Variants in LAMA2 observed in about 807,000 individuals in gnomAD.
The protein encoded by LAMA2 is laminin subunit alpha 2, also known as laminin subunit alpha-2.
In LAMA2, 269 loss-of-function variants were observed where a neutral mutation model predicts 364.8. That is an observed-to-expected ratio of 0.74 (90% confidence interval 0.67 to 0.82). The LOEUF is 0.82. Ranked by LOEUF, LAMA2 falls within the 40% of genes least tolerant of loss-of-function variation. The pLI, the probability that LAMA2 is intolerant of heterozygous loss-of-function variation, is 0.00. For missense variants in LAMA2, 3,807 were observed against 3,873.2 expected (o/e 0.98, Z 0.45); for synonymous variants, 1,379 against 1,370.6 (o/e 1.01, Z -0.14).
chr6:129,312,265 AC>A (rs1226568718), intron 22 of LAMA2, among the ~76,000 whole-genome samples: 2 of 152,204 alleles, frequency 1.3e-5, no homozygotes, highest in Non-Finnish European at 2.9e-5. Context: ...ACTAACAGAG[AC>A]CTCAAATCAG....
chr6:128,997,846 C>T (rs574535397), intron 1 of LAMA2, among the ~76,000 whole-genome samples: 3 of 152,122 alleles, frequency 2.0e-5, no homozygotes, highest in Admixed American at 6.5e-5. Flanking sequence ...TCAGATTTTC[C>T]AGTGTGTGTT....
Position 129,280,110 on chromosome 6 carries a change from G to T in LAMA2, c.2500G>T (p.Gly834Ter), listed in dbSNP as rs2114391000. The T allele has an allele frequency of 7.4e-6, 12 of 1,613,290 alleles. No homozygotes were observed. Among genetic ancestry groups the T allele is most frequent in the Non-Finnish European group, 1.0e-5 (12 of 1,179,402 alleles). ...LDRSLGLICDGCPVGYTGPRC... is the reference protein window; with the variant it reads ...LDRSLGLICD ...CCGGAGTCTTGGATTGATCTGTGAT[G>T]GATGCCCTGTCGGGTACACAGGACC... Residue 834 changes from glycine to a stop codon, truncating the protein, a stop_gained, in exon 18 of 65, where the codon GGA becomes TGA. Coordinates refer to ENST00000421865, the MANE Select transcript of LAMA2 (RefSeq NM_000426.4). LOFTEE classifies it high-confidence loss of function.
chr6:129,147,431 A>G (rs992378251), intron 6 of LAMA2, among the ~76,000 whole-genome samples: 1 of 151,640 alleles, frequency 6.6e-6, no homozygotes, highest in Non-Finnish European at 1.5e-5. Flanking sequence ...GAGTAAAAAA[A>G]TGTGCAGGGA....
chr6:129,110,532 T>A (rs1358435978), intron 4 of LAMA2, among the ~76,000 whole-genome samples: 1 of 152,096 alleles, frequency 6.6e-6, no homozygotes, highest in African/African-American at 2.4e-5. Context: ...ATCAATAATA[T>A]TGGCAATAAC....
chr6:128,943,269 C>CAGAGAGAGAGAGAG (rs6149801), intron 1 of LAMA2, among the ~76,000 whole-genome samples: 10 of 143,076 alleles, frequency 7.0e-5, no homozygotes, highest in African/African-American at 2.6e-4. Flanking sequence ...TATATATACA[C>CAGAGAGAGAGAGAG]AGAGAGAGAG....
intron 30 of LAMA2, among the ~76,000 whole-genome samples, chr6:129,344,510 A>T (rs1776439403): frequency 6.6e-6 from 1 of 152,244 alleles, no homozygotes; most frequent in African/African-American, 2.4e-5. Flanking sequence ...TTGATAGAAC[A>T]TATCTGTCTG....
chr6:129,425,472 G>A (rs1203422104), intron 40 of LAMA2, among the ~76,000 whole-genome samples: 1 of 151,562 alleles, frequency 6.6e-6, no homozygotes, highest in Non-Finnish European at 1.5e-5. Context: ...TACATGTGCA[G>A]GTTTTTTATA....
chr6:129,157,332 G>T (rs1779170811), intron 8 of LAMA2, among the ~76,000 whole-genome samples: 1 of 152,198 alleles, frequency 6.6e-6, no homozygotes, highest in Non-Finnish European at 1.5e-5. Context: ...TATAAAGAAT[G>T]AAGTGTTTAG....
In LAMA2 at chr6:129,342,378, A is replaced by G; in HGVS notation, c.4347A>G (p.Glu1449=). 1 of 1,613,456 alleles carries G rather than the reference A, an allele frequency of 6.2e-7. No homozygotes were observed. The highest frequency in any genetic ancestry group is 2.2e-5 in the East Asian group (1 of 44,848). ...ATCACACTGCTGGTGACTTCTGTGA[A>G]CGATGTGCTCTTGGATACTATGGAA... ...CQHHTAGDFC[E]RCALGYYGIV... The change falls in exon 30 of 65, where the codon GAA becomes GAG. Residue 1449 remains glutamate (E), a synonymous_variant. Transcript: ENST00000421865.
In LAMA2 at chr6:129,221,293, T is replaced by C. The variant is rs75509200; in HGVS notation, c.1782+28440T>C. ...AGAAAAGCATAATTGATTATACTGG[T>C]TTCTTTTTTTTTTTTTTTCATTTGG... On this transcript the variant is annotated intron_variant, in intron 12 of 64. Coordinates refer to ENST00000421865, the MANE Select transcript of LAMA2 (RefSeq NM_000426.4). Among the ~76,000 whole-genome samples, 910 of 144,522 alleles carry C rather than the reference T, an allele frequency of 6.3e-3. 6 individuals carry two copies. Among genetic ancestry groups the C allele is most frequent in the African/African-American group, 0.024 (866 of 35,790 alleles). The allele number at this position is 144,522 out of a possible 152,430, so 94.8% of individuals were successfully genotyped here. A position where few individuals can be genotyped will look rare whatever the true frequency, so the allele number is the denominator to read the frequency against.
intron 40 of LAMA2, among the ~76,000 whole-genome samples, chr6:129,416,969 C>T (rs932305776): frequency 3.3e-5 from 5 of 152,130 alleles, no homozygotes; most frequent in African/African-American, 1.2e-4. Flanking sequence ...AATGCGGTGG[C>T]ACCCAGGAGC....
intron 40 of LAMA2, among the ~76,000 whole-genome samples, chr6:129,406,323 A>G (rs897387810): frequency 6.6e-6 from 1 of 152,222 alleles, no homozygotes; most frequent in Non-Finnish European, 1.5e-5. Flanking sequence ...ATTATTTTGT[A>G]AAGAGTAATA....
chr6:129,491,903 T>A lies in LAMA2; in HGVS notation c.7901T>A (p.Ile2634Asn), dbSNP rs2114859477. The change falls in exon 57 of 65, where the codon ATC becomes AAC. Residue 2634 changes from isoleucine to asparagine, a missense_variant and splice_region_variant. By Grantham distance (149) the Ile-to-Asn change is moderately radical. This residue lies in a region of LAMA2 where 3,333 missense variants were observed against 3,345.7 expected (regional missense o/e 1.00). Transcript: ENST00000421865. The part of the protein sequence containing the change: ...HSVHVERTRG[I>N]FTVQVDENRR... Reference sequence around the variant, plus strand: ...GTTTATTTTTAATATTTTATCAGCATCTTTACAGTTCAAGTGGATGAAAAC... The same window carrying A: ...GTTTATTTTTAATATTTTATCAGCAACTTTACAGTTCAAGTGGATGAAAAC... 4 of 1,604,506 alleles carry A rather than the reference T, an allele frequency of 2.5e-6. No homozygotes were observed. Among genetic ancestry groups the A allele is most frequent in the Middle Eastern group, 1.7e-4 (1 of 6,048 alleles).
chr6:129,346,453 C>A (rs369586149), intron 30 of LAMA2, among the ~76,000 whole-genome samples: 1 of 152,178 alleles, frequency 6.6e-6, no homozygotes, highest in African/African-American at 2.4e-5. Context: ...TTTTACTATA[C>A]AGAATTATTT....
intron 40 of LAMA2, among the ~76,000 whole-genome samples, chr6:129,422,000 A>G (rs776541041): frequency 6.6e-6 from 1 of 151,974 alleles, no homozygotes; most frequent in Non-Finnish European, 1.5e-5. Context: ...CAAATTGCTC[A>G]TTGCCCAGTT....
At chr6:129,037,605 T>G (rs148543593) in intron 1 of LAMA2, among the ~76,000 whole-genome samples, 1 of 152,182 alleles carries the variant, frequency 6.6e-6, no homozygotes, top group African/African-American at 2.4e-5. Context: ...TAGTTAAAAA[T>G]ATAATAATAT....
intron 51 of LAMA2, among the ~76,000 whole-genome samples, chr6:129,467,700 C>CTGCTA (rs1783616055): frequency 6.6e-6 from 1 of 151,826 alleles, no homozygotes; most frequent in African/African-American, 2.4e-5. Flanking sequence ...CATAATCAGT[C>CTGCTA]TGCTATCTCA....
intron 12 of LAMA2, among the ~76,000 whole-genome samples, chr6:129,237,913 C>A (rs1487363558): frequency 1.3e-5 from 2 of 150,806 alleles, no homozygotes; most frequent in East Asian, 2.0e-4. Context: ...AATCTCACCA[C>A]TTTGGGAGGC....
intron 2 of LAMA2, among the ~76,000 whole-genome samples, chr6:129,057,313 G>C: frequency 6.6e-6 from 1 of 151,908 alleles, no homozygotes. Flanking sequence ...ACTGGTCCGT[G>C]GCAAAGTAAG....
Sources: allele counts gnomAD v4.1 joint callset (sites outside exome capture counted in the v4.1 genomes callset), GRCh38; gene constraint gnomAD v4.1.1; regional missense constraint gnomAD v4.1.1; transcripts MANE v1.5; gene names NCBI Gene and HGNC (gene_info 2026-07-23, HGNC 2026-07-21).